The following SLC38A4 variants were observed in gnomAD, a reference collection of about 807,000 sequenced individuals.
SLC38A4 encodes the protein sodium-coupled neutral amino acid transporter 4.
In SLC38A4, 20 loss-of-function variants were observed where a neutral mutation model predicts 63.1. The observed-to-expected ratio is 0.32, with a 90% CI of 0.22 to 0.46. The LOEUF (loss-of-function observed/expected upper bound fraction) is 0.46. Ranked by LOEUF, SLC38A4 falls within the 20% of genes least tolerant of loss-of-function variation. SLC38A4 has a pLI of 1.00. For synonymous variants in SLC38A4, 230 were observed against 225.5 expected, an observed-to-expected ratio of 1.02 and a Z score of -0.18; for missense variants, 526 against 663.6, an observed-to-expected ratio of 0.79 and a Z score of 2.28.
intron 2 of SLC38A4, among the ~76,000 whole-genome samples, chr12:46,800,545 A>C (rs2120857323): frequency 6.6e-6 from 1 of 152,134 alleles, no homozygotes; most frequent in African/African-American, 2.4e-5. Flanking sequence ...TAACTAAAAC[A>C]ACCTGAAAAT....
Position 46,766,347 on chromosome 12 carries a change from G to C in SLC38A4, c.*354C>G, listed in dbSNP as rs968304095. 1 of 459,266 alleles carries C rather than the reference G, an allele frequency of 2.2e-6. No homozygotes were observed. Among genetic ancestry groups the C allele is most frequent in the Non-Finnish European group, 4.4e-6 (1 of 229,204 alleles). 28.4% of individuals were successfully genotyped at this position (459,266 alleles called of 1,614,324 possible). A position where few individuals can be genotyped will look rare whatever the true frequency, so the allele number is the denominator to read the frequency against. ...GCAAATGTTTGGTACTTTTTTAGGGGGTGCAGGATGAGGAGACGGCAGGGG... is the reference window on the plus strand; with the variant it reads ...GCAAATGTTTGGTACTTTTTTAGGGCGTGCAGGATGAGGAGACGGCAGGGG... On this transcript the variant is annotated 3_prime_UTR_variant, in exon 17 of 17. Transcript: ENST00000266579.
At chr12:46,814,457 G>A (rs1939397568) in intron 1 of SLC38A4, among the ~76,000 whole-genome samples, 1 of 151,978 alleles carries the variant, frequency 6.6e-6, no homozygotes, top group South Asian at 2.1e-4. Flanking sequence ...TGTACTGGCA[G>A]ATTTGGGGGG....
intron 13 of SLC38A4, among the ~76,000 whole-genome samples, chr12:46,776,312 A>G (rs945206313): frequency 1.3e-5 from 2 of 152,050 alleles, no homozygotes; most frequent in Non-Finnish European, 2.9e-5. Context: ...TGTTGCAGGC[A>G]TAATCTAATG....
intron 12 of SLC38A4, among the ~76,000 whole-genome samples, chr12:46,777,303 C>G (rs180420): frequency 0.65 from 99,014 of 151,710 alleles, 34,417 homozygotes; most frequent in Middle Eastern, 0.81. Flanking sequence ...ACATAAAGAT[C>G]AAACAGGCTC....
intron 1 of SLC38A4, among the ~76,000 whole-genome samples, chr12:46,816,331 A>G (rs1260274244): frequency 6.6e-5 from 10 of 151,898 alleles, no homozygotes; most frequent in East Asian, 1.9e-4. Context: ...GGCAAAAAAC[A>G]CAAAACCATA....
chr12:46,790,754 A>G (rs1437732837), intron 3 of SLC38A4, among the ~76,000 whole-genome samples: 1 of 151,326 alleles, frequency 6.6e-6, no homozygotes, highest in Non-Finnish European at 1.5e-5. Flanking sequence ...TATAAAATAG[A>G]TGAGAAATGT....
rs142580392 is a variant in SLC38A4 at position 46,779,648 on chromosome 12, C to T, written c.680G>A (p.Gly227Glu). The change falls in exon 10 of 17, where the codon GGA becomes GAA. Residue 227 changes from glycine to glutamate, a missense_variant. By Grantham distance (98) the Gly-to-Glu change is moderately conservative. Transcript: ENST00000266579. Reference protein sequence around the residue: ...KNLGYLGYTSGFSLTCMVFFV... With the variant: ...KNLGYLGYTSEFSLTCMVFFV... ...AAACACCATGCAGGTAAGAGAAAATCCACTGGTATAGCCAAGATAACCTAG... is the reference window on the plus strand; with the variant it reads ...AAACACCATGCAGGTAAGAGAAAATTCACTGGTATAGCCAAGATAACCTAG... 1 of 1,607,460 alleles carries T rather than the reference C, an allele frequency of 6.2e-7. No individual in the cohort carries two copies. The highest frequency in any genetic ancestry group is 8.5e-7 in the Non-Finnish European group (1 of 1,177,892).
intron 14 of SLC38A4, among the ~76,000 whole-genome samples, chr12:46,774,371 C>A (rs1290528321): frequency 6.6e-6 from 1 of 151,896 alleles, no homozygotes; most frequent in Non-Finnish European, 1.5e-5. Context: ...CTGTGTTTAT[C>A]CTTAGGTGGT....
chr12:46,798,592 G>A (rs1254230804), intron 2 of SLC38A4, among the ~76,000 whole-genome samples: 1 of 152,200 alleles, frequency 6.6e-6, no homozygotes, highest in Non-Finnish European at 1.5e-5. Flanking sequence ...CATGTCTGCA[G>A]TCCAAAAGCT....
At chr12:46,791,970 G>C (rs1435232559) in intron 3 of SLC38A4, among the ~76,000 whole-genome samples, 1 of 152,134 alleles carries the variant, frequency 6.6e-6, no homozygotes, top group Non-Finnish European at 1.5e-5. Context: ...AACAGGACAG[G>C]AGGGGCAGGT....
intron 1 of SLC38A4, among the ~76,000 whole-genome samples, chr12:46,813,598 A>G (rs1216103451): frequency 6.6e-6 from 1 of 151,984 alleles, no homozygotes; most frequent in East Asian, 1.9e-4. Context: ...GCACTGTAAC[A>G]TATTTGTTTA....
At chr12:46,782,950 A>G (rs1451457465) in intron 7 of SLC38A4, among the ~76,000 whole-genome samples, 1 of 143,710 alleles carries the variant, frequency 7.0e-6, no homozygotes, top group Non-Finnish European at 1.5e-5. Context: ...CAGGACCATG[A>G]GAGCCCAGAG....
chr12:46,778,581 A>G lies in SLC38A4; in HGVS notation c.913T>C (p.Ser305Pro). The G allele has an allele frequency of 6.2e-7, 1 of 1,613,020 alleles. No homozygotes were observed. Among genetic ancestry groups the G allele is most frequent in the South Asian group, 1.1e-5 (1 of 91,054 alleles). ...AGLDENQAKG[S>P]LHDSGVEYEA... ...TATTCTACTCCACTGTCATGAAGAG[A>G]GCCCTTGGCCTGGTTCTCATCCAGC... Residue 305 changes from serine to proline, a missense_variant, in exon 11 of 17, where the codon TCT becomes CCT. Coordinates refer to ENST00000266579, the MANE Select transcript of SLC38A4 (RefSeq NM_018018.5).
intron 2 of SLC38A4, among the ~76,000 whole-genome samples, chr12:46,798,951 G>A (rs1477216562): frequency 2.0e-5 from 3 of 152,096 alleles, no homozygotes; most frequent in East Asian, 1.9e-4. Flanking sequence ...GCGAAACTGG[G>A]TATAAATCCT....
chr12:46,789,020 C>T (rs759485158), intron 3 of SLC38A4, among the ~76,000 whole-genome samples: 15 of 152,128 alleles, frequency 9.9e-5, no homozygotes, highest in East Asian at 1.9e-4. Context: ...ATTAATTCAA[C>T]GAATATTTAT....
intron 2 of SLC38A4, among the ~76,000 whole-genome samples, chr12:46,796,449 T>C (rs2430923): frequency 0.011 from 1,665 of 152,322 alleles, 13 homozygotes; most frequent in Non-Finnish European, 0.017. Context: ...CTAGGTTATC[T>C]GTTCATATTT....
intron 14 of SLC38A4, 143 bp downstream of exon 14, chr12:46,774,906 G>A (rs1938491457): frequency 1.1e-6 from 1 of 929,912 alleles, no homozygotes; most frequent in African/African-American, 1.7e-5. Context: ...AATTTTAAGT[G>A]ACTCAAAATG....
intron 5 of SLC38A4, 115 bp downstream of exon 5, chr12:46,787,801 T>G: frequency 1.4e-6 from 1 of 702,388 alleles, no homozygotes; most frequent in Non-Finnish European, 2.3e-6. Context: ...AGTGCCATGA[T>G]TAGCCTCCTC....
intron 4 of SLC38A4, 141 bp downstream of exon 4, chr12:46,788,387 T>C: frequency 1.5e-6 from 1 of 666,490 alleles, no homozygotes; most frequent in East Asian, 2.7e-5. Flanking sequence ...AACAAGCCCT[T>C]ATTCCAGTAA....
Sources: gnomAD v4.1 joint callset for allele counts (sites outside exome capture counted in the v4.1 genomes callset) on GRCh38, gnomAD v4.1.1 for gene constraint, MANE v1.5 for transcripts, NCBI Gene and HGNC (gene_info 2026-07-23, HGNC 2026-07-21) for gene names.